Variants in MTMR2 observed in about 807,000 individuals in gnomAD.
MTMR2 encodes the protein myotubularin related protein 2.
In MTMR2, 55 loss-of-function variants were observed where a neutral mutation model predicts 86.9. The observed-to-expected ratio is 0.63, with a 90% CI of 0.51 to 0.79. The LOEUF is 0.79. Ranked by LOEUF, MTMR2 falls within the 30% of genes least tolerant of loss-of-function variation. The pLI is 0.00. For missense variants in MTMR2, 659 were observed against 772.3 expected, an observed-to-expected ratio of 0.85 and a Z score of 1.74; for synonymous variants, 241 against 266.8, an observed-to-expected ratio of 0.90 and a Z score of 0.94.
At chr11:95,918,844 TTTTTTTTCTTGAG>T (rs1245306053) in intron 1 of MTMR2, among the ~76,000 whole-genome samples, 2 of 152,008 alleles carry the variant, frequency 1.3e-5, no homozygotes, top group African/African-American at 2.4e-5. Context: ...AACATATCAC[TTTTTTTTCTTGAG>T]ACGGGGTCTC....
At chr11:95,873,280 T>A (rs1864966204) in intron 2 of MTMR2, among the ~76,000 whole-genome samples, 1 of 152,248 alleles carries the variant, frequency 6.6e-6, no homozygotes, top group Admixed American at 6.5e-5. Context: ...TGCCTCAATT[T>A]CAGAGCCTGT....
intron 1 of MTMR2, among the ~76,000 whole-genome samples, chr11:95,921,139 G>A (rs1449559028): frequency 6.6e-6 from 1 of 152,152 alleles, no homozygotes; most frequent in Non-Finnish European, 1.5e-5. Flanking sequence ...CAGTTATATA[G>A]TTACCACTTA....
At chr11:95,842,846 G>GA (rs375881495) in intron 11 of MTMR2, among the ~76,000 whole-genome samples, 2 of 151,848 alleles carry the variant, frequency 1.3e-5, no homozygotes, top group Non-Finnish European at 2.9e-5. Flanking sequence ...TTAAATTAAA[G>GA]AAAAAAAGTC....
rs572839295 is a variant in MTMR2, at chr11:95,882,725, G to GT, written c.186+5430dup. On this transcript the variant is annotated intron_variant, in intron 2 of 14. Coordinates refer to ENST00000346299, the MANE Select transcript of MTMR2 (RefSeq NM_016156.6). Reference sequence around the variant, plus strand: ...ATAAAAGACATAATTATTTTGTGTTGTTTTTTTTTTTTTTTGAGACAGAGT... The same window carrying GT: ...ATAAAAGACATAATTATTTTGTGTTGTTTTTTTTTTTTTTTTGAGACAGAGT... Among the ~76,000 whole-genome samples the GT allele has an allele frequency of 6.6e-3, 850 of 127,918 alleles. 8 individuals carry two copies. The highest frequency in any genetic ancestry group is 0.012 in the African/African-American group (436 of 35,966). 83.9% of individuals were successfully genotyped at this position (127,918 alleles called of 152,430 possible). A position where few individuals can be genotyped will look rare whatever the true frequency, so the allele number is the denominator to read the frequency against.
intron 14 of MTMR2, among the ~76,000 whole-genome samples, chr11:95,835,822 C>G (rs1261617748): frequency 6.6e-6 from 1 of 151,974 alleles, no homozygotes; most frequent in Non-Finnish European, 1.5e-5. Flanking sequence ...TCACAGTAGA[C>G]CAGAATTTTG....
intron 1 of MTMR2, among the ~76,000 whole-genome samples, chr11:95,889,387 C>A (rs1488913533): frequency 3.9e-5 from 6 of 152,068 alleles, no homozygotes; most frequent in Non-Finnish European, 8.8e-5. Flanking sequence ...CCCGCTTCGG[C>A]CTCCCAAAGT....
rs146271669 is a variant in MTMR2, at chr11:95,897,710, T to C, written c.81-9449A>G. 1.7e-4 allele frequency among the ~76,000 whole-genome samples: 26 copies of C among 152,276 alleles called. No individual in the cohort carries two copies. In the East Asian group the frequency reaches 4.2e-3, roughly 25 times the overall value. On this transcript the variant is annotated intron_variant, in intron 1 of 14. Coordinates refer to ENST00000346299, the MANE Select transcript of MTMR2 (RefSeq NM_016156.6). The stretch of plus-strand genomic sequence containing the variant: ...ATTTCAAATGTCCTACATTTCAAAA[T>C]ATATCCACAATAATTTAAGAGAGAG...
rs1863977389 is a variant in MTMR2 at position 95,850,592 on chromosome 11, C to A, written c.804+8G>T. 5 of 1,591,616 alleles carry A rather than the reference C, an allele frequency of 3.1e-6. No individual in the cohort carries two copies. Among genetic ancestry groups the A allele is most frequent in the Non-Finnish European group, 3.4e-6 (4 of 1,162,480 alleles). On this transcript the variant is annotated splice_region_variant and intron_variant, in intron 8 of 14. Coordinates refer to ENST00000346299, the MANE Select transcript of MTMR2 (RefSeq NM_016156.6). ...ACTTGCAAAGGCTCATCCAAACTTC[C>A]TACTTACTGGGATACGGCCTCTTGA...
intron 1 of MTMR2, among the ~76,000 whole-genome samples, chr11:95,912,525 G>C (rs990660978): frequency 6.6e-6 from 1 of 151,642 alleles, no homozygotes; most frequent in South Asian, 2.1e-4. Context: ...AAACTCTCTA[G>C]TAATTTGAGA....
At chr11:95,914,494 T>C (rs1866627999) in intron 1 of MTMR2, among the ~76,000 whole-genome samples, 3 of 152,134 alleles carry the variant, frequency 2.0e-5, no homozygotes, top group Admixed American at 1.3e-4. Flanking sequence ...GAAATGATAC[T>C]ACCGATACTA....
rs1867036191 is a variant in MTMR2 at position 95,923,929 on chromosome 11, C to G, written c.26G>C (p.Ser9Thr). Residue 9 changes from serine to threonine, a missense_variant, in exon 1 of 15, where the codon AGT becomes ACT. Ser to Thr is a moderately conservative substitution (Grantham distance 58, BLOSUM62 1). Coordinates refer to ENST00000346299, the MANE Select transcript of MTMR2 (RefSeq NM_016156.6). MEKSSSCE[S>T]LGSQPAAARP... ...AGCCGCCGCCGGCTGGGAGCCAAGA[C>G]TCTCGCAGCTCGAGCTCTTCTCCAT... is the stretch of plus-strand genomic sequence containing the variant. The G allele has an allele frequency of 1.9e-6, 3 of 1,561,064 alleles. No individual in the cohort carries two copies. Among genetic ancestry groups the G allele is most frequent in the Non-Finnish European group, 2.6e-6 (3 of 1,152,234 alleles).
intron 1 of MTMR2, among the ~76,000 whole-genome samples, chr11:95,896,786 T>C (rs1865893895): frequency 6.6e-6 from 1 of 151,998 alleles, no homozygotes; most frequent in Admixed American, 6.6e-5. Flanking sequence ...GGAGTTGTTA[T>C]TGTGTGCATA....
intron 1 of MTMR2, among the ~76,000 whole-genome samples, chr11:95,907,260 C>A (rs1866314122): frequency 6.6e-6 from 1 of 151,986 alleles, no homozygotes; most frequent in African/African-American, 2.4e-5. Context: ...AACTAGAAAA[C>A]CTACAAGAAA....
intron 9 of MTMR2, among the ~76,000 whole-genome samples, chr11:95,848,611 C>T (rs907407000): frequency 6.6e-6 from 1 of 152,084 alleles, no homozygotes; most frequent in African/African-American, 2.4e-5. Flanking sequence ...CTATCTCCTA[C>T]CTAACTCGTG....
intron 1 of MTMR2, among the ~76,000 whole-genome samples, chr11:95,903,868 A>G (rs1866160819): frequency 6.6e-6 from 1 of 152,142 alleles, no homozygotes; most frequent in South Asian, 2.1e-4. Flanking sequence ...TAATCCTAGC[A>G]CATTAAAAGG....
At chr11:95,861,379 C>T (rs1864413722) in intron 5 of MTMR2, among the ~76,000 whole-genome samples, 2 of 148,220 alleles carry the variant, frequency 1.3e-5, no homozygotes, top group Non-Finnish European at 3.0e-5. Context: ...GGTATCCTAT[C>T]AGTACTATGT....
At position 95,918,259 on chromosome 11, in the gene MTMR2, C is replaced by T. The variant is rs941455120; in HGVS notation, c.80+5616G>A. Reference sequence around the variant, plus strand: ...ATCACCTGGAAAGCTTGCTAAAACACCAACAGCTGGGCTCCACCCCTAAAA... The same window carrying T: ...ATCACCTGGAAAGCTTGCTAAAACATCAACAGCTGGGCTCCACCCCTAAAA... On this transcript the variant is annotated intron_variant, in intron 1 of 14. Transcript: ENST00000346299. 6.6e-5 allele frequency among the ~76,000 whole-genome samples: 10 copies of T among 152,306 alleles called. No individual in the cohort carries two copies. In the East Asian group the frequency reaches 1.5e-3, roughly 24 times the overall value.
chr11:95,847,534 T>C (rs1414246357), intron 10 of MTMR2, among the ~76,000 whole-genome samples, 180 bp downstream of exon 10: 3 of 152,080 alleles, frequency 2.0e-5, no homozygotes, highest in Non-Finnish European at 4.4e-5. Context: ...AAATGCACAA[T>C]ATAAAAAACC....
chr11:95,869,978 AG>A (rs1297224354), intron 2 of MTMR2, among the ~76,000 whole-genome samples: 5 of 152,180 alleles, frequency 3.3e-5, no homozygotes, highest in African/African-American at 1.2e-4. Flanking sequence ...TGGGTTGTAC[AG>A]GTGTATGCAT....
Sources: allele counts gnomAD v4.1 joint callset (sites outside exome capture counted in the v4.1 genomes callset), GRCh38; gene constraint gnomAD v4.1.1; transcripts MANE v1.5; gene names NCBI Gene and HGNC (gene_info 2026-07-23, HGNC 2026-07-21).